Variants in C8orf34 observed in about 807,000 individuals in gnomAD.
C8orf34 encodes the protein uncharacterized protein C8orf34.
A neutral mutation model predicts 68.3 loss-of-function variants in C8orf34; 65 were observed. The ratio of observed to expected loss-of-function variants is 0.95; its 90% CI spans 0.78 to 1.17. The LOEUF (loss-of-function observed/expected upper bound fraction) is 1.17, where lower values mean the gene tolerates loss of function less well. Ranked by LOEUF, C8orf34 falls within the 50% of genes most tolerant of loss-of-function variation. The pLI is 0.00. For missense variants in C8orf34, 664 were observed against 655.4 expected, an observed-to-expected ratio of 1.01 and a Z score of -0.14; for synonymous variants, 244 against 241.2, an observed-to-expected ratio of 1.01 and a Z score of -0.11.
intron 4 of C8orf34, among the ~76,000 whole-genome samples, chr8:68,470,315 G>A (rs1221461621): frequency 6.6e-6 from 1 of 152,108 alleles, no homozygotes; most frequent in Non-Finnish European, 1.5e-5. Flanking sequence ...AAAGAAGGAT[G>A]ATTGAAGAAT....
intron 4 of C8orf34, among the ~76,000 whole-genome samples, chr8:68,478,516 G>GT (rs1452559053): frequency 6.6e-6 from 1 of 152,088 alleles, no homozygotes. Flanking sequence ...ACATTTTCAA[G>GT]TATCTTTATA....
At chr8:68,775,646 A>C (rs1823493823) in intron 10 of C8orf34, among the ~76,000 whole-genome samples, 1 of 152,220 alleles carries the variant, frequency 6.6e-6, no homozygotes, top group Non-Finnish European at 1.5e-5. Context: ...AATATTTTTA[A>C]GTCCATGTTT....
intron 3 of C8orf34, among the ~76,000 whole-genome samples, chr8:68,452,354 C>T (rs1024112479): frequency 2.0e-5 from 3 of 151,572 alleles, no homozygotes; most frequent in African/African-American, 4.8e-5. Context: ...TGCACCATTT[C>T]ACATGCTTAC....
chr8:68,777,559 T>C (rs746978613), intron 11 of C8orf34, among the ~76,000 whole-genome samples: 93 of 152,314 alleles, frequency 6.1e-4, no homozygotes, highest in Non-Finnish European at 9.3e-4. Flanking sequence ...ACTACAACAC[T>C]GCCATCATCG....
chr8:68,424,110 T>G (rs1418981923), intron 1 of C8orf34, among the ~76,000 whole-genome samples: 1 of 152,094 alleles, frequency 6.6e-6, no homozygotes, highest in African/African-American at 2.4e-5. Flanking sequence ...CAGAGGCTTC[T>G]TCCCTCCCCC....
intron 10 of C8orf34, among the ~76,000 whole-genome samples, chr8:68,734,333 G>A (rs1462110688): frequency 6.6e-6 from 1 of 152,052 alleles, no homozygotes; most frequent in African/African-American, 2.4e-5. Flanking sequence ...GGGAGACCTT[G>A]GAAGTGGAAG....
chr8:68,544,289 T>C (rs1295883146), intron 7 of C8orf34, among the ~76,000 whole-genome samples: 1 of 152,184 alleles, frequency 6.6e-6, no homozygotes, highest in African/African-American at 2.4e-5. Context: ...GTAGAGCTTT[T>C]ACCCAGCAAG....
At chr8:68,490,504 T>C (rs552190919) in intron 5 of C8orf34, among the ~76,000 whole-genome samples, 155 of 152,286 alleles carry the variant, frequency 1.0e-3, no homozygotes, top group Non-Finnish European at 1.7e-3. Context: ...ACCCTCTCTC[T>C]TCCCGGCAGT....
intron 7 of C8orf34, among the ~76,000 whole-genome samples, chr8:68,590,233 AAAGG>A (rs2130427701): frequency 6.7e-6 from 1 of 150,356 alleles, no homozygotes; most frequent in South Asian, 2.2e-4. Context: ...GAGGGAAACA[AAAGG>A]AGGGAGAGAG....
chr8:68,439,642 A>G lies in C8orf34; in HGVS notation c.471A>G (p.Lys157=). 6.2e-7 allele frequency: 1 copy of G among 1,609,306 alleles called. No homozygotes were observed. The highest frequency in any genetic ancestry group is 8.5e-7 in the Non-Finnish European group (1 of 1,178,652). ...CAGCTCTATGGGCAGAAAGTGAAAA[A>G]TCAGGTAAATGAAGAATGTCTATGC... ...GSAALWAESE[K]SESKGTRRDF... Residue 157 remains lysine, a synonymous_variant, in exon 2 of 14, where the codon AAA becomes AAG. Transcript: ENST00000518698.
At position 68,726,233 on chromosome 8, in the gene C8orf34, G is replaced by T. The variant is rs1013841071; in HGVS notation, c.1404+4796G>T. Among the ~76,000 whole-genome samples, 3 of 152,084 alleles carry T rather than the reference G, an allele frequency of 2.0e-5. No individual in the cohort carries two copies. In the East Asian group the frequency reaches 5.8e-4, roughly 29 times the overall value. ...ACCAATATCAAAGGTAGAATTATTC[G>T]CCAGATTAAGTAGATAGTGAAAAGC... On this transcript the variant is annotated intron_variant, in intron 10 of 13. Coordinates refer to ENST00000518698, the MANE Select transcript of C8orf34 (RefSeq NM_052958.4).
chr8:68,533,018 A>G lies in C8orf34; in HGVS notation c.974A>G (p.Gln325Arg). 5 of 1,608,010 alleles carry G rather than the reference A, an allele frequency of 3.1e-6. No individual in the cohort carries two copies. The highest frequency in any genetic ancestry group is 3.3e-4 in the Middle Eastern group (2 of 6,032). ...KMEPKNKGLK[Q>R]QQQQHKKLLA... is the part of the protein sequence containing the mutation. ...GAGCCTAAGAACAAAGGATTAAAAC[A>G]GCAGCAACAGCAACATAAGAAACTC... is the stretch of plus-strand genomic sequence containing the variant. The change falls in exon 7 of 14, where the codon CAG (glutamine) becomes CGG (arginine). Residue 325 changes from glutamine (Q) to arginine (R), a missense_variant. Coordinates refer to ENST00000518698, the MANE Select transcript of C8orf34 (RefSeq NM_052958.4).
intron 10 of C8orf34, among the ~76,000 whole-genome samples, chr8:68,753,848 A>C (rs1822773065): frequency 6.6e-6 from 1 of 152,140 alleles, no homozygotes; most frequent in East Asian, 1.9e-4. Context: ...AATCACTTTG[A>C]TCTGTCATGC....
intron 7 of C8orf34, among the ~76,000 whole-genome samples, chr8:68,638,735 C>T (rs569620042): frequency 3.5e-4 from 53 of 151,062 alleles, no homozygotes; most frequent in African/African-American, 1.1e-3. Context: ...AAGTTGAGTA[C>T]GTACAATATT....
intron 1 of C8orf34, among the ~76,000 whole-genome samples, chr8:68,401,861 T>TGTGTGTGTG (rs1808971221): frequency 4.7e-5 from 7 of 148,954 alleles, no homozygotes; most frequent in African/African-American, 1.7e-4. Flanking sequence ...CAGTTCTCTT[T>TGTGTGTGTG]TGTGTGTGTG....
intron 1 of C8orf34, among the ~76,000 whole-genome samples, chr8:68,335,959 C>T (rs1012725173): frequency 3.3e-5 from 5 of 151,960 alleles, no homozygotes; most frequent in Non-Finnish European, 7.4e-5. Flanking sequence ...TGGTGATGCA[C>T]ACCTGTAATC....
intron 7 of C8orf34, among the ~76,000 whole-genome samples, chr8:68,554,917 T>C (rs1037880503): frequency 1.3e-5 from 2 of 152,156 alleles, no homozygotes; most frequent in African/African-American, 4.8e-5. Context: ...TAGATTGCTC[T>C]TGTATTTTTC....
At chr8:68,683,867 G>T (rs944566114) in intron 8 of C8orf34, among the ~76,000 whole-genome samples, 3 of 152,142 alleles carry the variant, frequency 2.0e-5, no homozygotes, top group African/African-American at 4.8e-5. Context: ...ATGTATAGAA[G>T]TCAGCATCTG....
intron 3 of C8orf34, among the ~76,000 whole-genome samples, chr8:68,460,680 C>T (rs1586183373): frequency 6.6e-6 from 1 of 152,310 alleles, no homozygotes; most frequent in Middle Eastern, 3.4e-3. Flanking sequence ...CCCAGGCAAA[C>T]AGGGTCTGGA....
Sources: gnomAD v4.1 joint callset for allele counts (sites outside exome capture counted in the v4.1 genomes callset) on GRCh38, gnomAD v4.1.1 for gene constraint, MANE v1.5 for transcripts, NCBI Gene and HGNC (gene_info 2026-07-23, HGNC 2026-07-21) for gene names.